The following SCML2 variants were observed in gnomAD, a reference collection of about 807,000 sequenced individuals.
SCML2 encodes the protein sex comb on midleg-like protein 2.
A neutral mutation model predicts 48.4 loss-of-function variants in SCML2; 6 were observed. The observed-to-expected ratio is 0.12, with a 90% CI of 0.07 to 0.24. The LOEUF (loss-of-function observed/expected upper bound fraction) is 0.24. SCML2 is among the 10% of genes least tolerant of loss of function. The probability of loss-of-function intolerance (pLI) is 1.00; values close to 1 mark genes in which losing one functional copy is unlikely to be tolerated. For missense variants in SCML2, 377 were observed against 528.2 expected, an observed-to-expected ratio of 0.71 and a Z score of 2.81; for synonymous variants, 181 against 189.5, an observed-to-expected ratio of 0.95 and a Z score of 0.37.
intron 3 of SCML2, among the ~76,000 whole-genome samples, chrX:18,328,545 G>A (rs767721425): frequency 1.8e-5 from 2 of 111,219 alleles, no homozygotes; most frequent in South Asian, 3.9e-4. Flanking sequence ...GGTAGTGCAC[G>A]CCTGTGGTCC....
chrX:18,302,525 T>G (rs1928627350), intron 7 of SCML2, among the ~76,000 whole-genome samples: 1 of 111,480 alleles, frequency 9.0e-6, no homozygotes, highest in African/African-American at 3.3e-5. Context: ...GAGCACTCCC[T>G]TTTAACAAGC....
At chrX:18,303,801 G>A (rs1276009120) in intron 7 of SCML2, among the ~76,000 whole-genome samples, 1 of 111,469 alleles carries the variant, frequency 9.0e-6, no homozygotes, top group Non-Finnish European at 1.9e-5. Flanking sequence ...TAATAAAAAG[G>A]ACACTGTGGT....
At chrX:18,251,492 A>G (rs1926664860) in intron 11 of SCML2, among the ~76,000 whole-genome samples, 2 of 111,157 alleles carry the variant, frequency 1.8e-5, no homozygotes, top group South Asian at 7.6e-4. Context: ...GGATTCGAAC[A>G]GACATTTCTC....
intron 7 of SCML2, among the ~76,000 whole-genome samples, chrX:18,272,377 C>T (rs1167469312): frequency 8.9e-6 from 1 of 111,907 alleles, no homozygotes; most frequent in African/African-American, 3.3e-5. Context: ...GGGGTAGATA[C>T]CAGTGGAAAG....
chrX:18,322,989 TCTTAAATTTGTGAAAAATTTTCA>T (rs1161087356), intron 5 of SCML2, among the ~76,000 whole-genome samples: 1 of 111,727 alleles, frequency 9.0e-6, no homozygotes, highest in East Asian at 2.8e-4. Flanking sequence ...ATTGTTAATA[TCTTAAATTTGTGAAAAATTTTCA>T]CTTAAATTAG....
At chrX:18,329,919 A>G (rs1330635529) in intron 3 of SCML2, among the ~76,000 whole-genome samples, 8 of 111,738 alleles carry the variant, frequency 7.2e-5, no homozygotes, top group Admixed American at 6.7e-4. Context: ...GTCTACTAAA[A>G]ATACAAAAAC....
intron 8 of SCML2, among the ~76,000 whole-genome samples, chrX:18,263,656 C>T (rs963263982): frequency 2.7e-5 from 3 of 111,135 alleles, no homozygotes; most frequent in Admixed American, 9.6e-5. Flanking sequence ...TAAGAATAAA[C>T]GAGAGTATAA....
Position 18,320,392 on chromosome X carries a change from C to T in SCML2, c.426G>A (p.Pro142=), listed in dbSNP as rs1929277196. 2.6e-6 allele frequency: 3 copies of T among 1,152,145 alleles called. No individual in the cohort carries two copies. Among genetic ancestry groups the T allele is most frequent in the Middle Eastern group, 2.5e-4 (1 of 4,022 alleles). 94.9% of individuals were successfully genotyped at this position (1,152,145 alleles called of 1,213,427 possible). A position where few individuals can be genotyped will look rare whatever the true frequency, so the allele number is the denominator to read the frequency against. Residue 142 remains proline (P), a synonymous_variant, in exon 6 of 15, where the codon CCG becomes CCA. Coordinates refer to ENST00000251900, the MANE Select transcript of SCML2 (RefSeq NM_006089.3). ...LGYQMNTSSW[P]MFLLKTLNGS... ...CATTTAGTGTCTTTAAGAGGAACATCGGCCAGGAGGATGTATTCATCTGGT... is the reference window on the plus strand; with the variant it reads ...CATTTAGTGTCTTTAAGAGGAACATTGGCCAGGAGGATGTATTCATCTGGT...
chrX:18,261,546 G>A (rs1927064913), intron 8 of SCML2, among the ~76,000 whole-genome samples: 1 of 109,433 alleles, frequency 9.1e-6, no homozygotes, highest in Non-Finnish European at 1.9e-5. Flanking sequence ...ATACATACAA[G>A]TATTATGTAT....
At chrX:18,250,059 C>T (rs1254248947) in intron 11 of SCML2, among the ~76,000 whole-genome samples, 1 of 110,615 alleles carries the variant, frequency 9.0e-6, no homozygotes, top group Non-Finnish European at 1.9e-5. Flanking sequence ...AGAAGGGAAT[C>T]TGATTTCCAG....
rs192085169 is a variant in SCML2 at position 18,292,954 on chromosome X, A to G, written c.730+12018T>C. Reference sequence around the variant, plus strand: ...AATTATTCTAAAGAACAACTATACCATAACTTATTTCAACATTTCTCCACT... The same window carrying G: ...AATTATTCTAAAGAACAACTATACCGTAACTTATTTCAACATTTCTCCACT... On this transcript the variant is annotated intron_variant, in intron 7 of 14. Coordinates refer to ENST00000251900, the MANE Select transcript of SCML2 (RefSeq NM_006089.3). 6.8e-3 allele frequency among the ~76,000 whole-genome samples: 763 copies of G among 111,426 alleles called. 5 individuals carry two copies. The highest frequency in any genetic ancestry group is 0.023 in the African/African-American group (714 of 30,735).
chrX:18,267,056 T>G (rs1032585152), intron 7 of SCML2, among the ~76,000 whole-genome samples: 2 of 112,334 alleles, frequency 1.8e-5, no homozygotes, highest in Non-Finnish European at 3.8e-5. Flanking sequence ...TGTCTTCATC[T>G]TAAGGAATCT....
Position 18,346,453 on chromosome X carries a change from A to T in SCML2, c.-25+8139T>A, listed in dbSNP as rs370927507. 2.6e-4 allele frequency among the ~76,000 whole-genome samples: 29 copies of T among 112,445 alleles called. No homozygotes were observed. The East Asian group carries it at 7.3e-3, about 28-fold the overall frequency. On this transcript the variant is annotated intron_variant, in intron 1 of 14. Coordinates refer to ENST00000251900, the MANE Select transcript of SCML2 (RefSeq NM_006089.3). ...AATAATCTATTGAAAAAAATGTTTCATCATAGCCCCTTGAGTTTATCAACA... is the reference window on the plus strand; with the variant it reads ...AATAATCTATTGAAAAAAATGTTTCTTCATAGCCCCTTGAGTTTATCAACA...
chrX:18,288,880 C>T (rs928307231), intron 7 of SCML2, among the ~76,000 whole-genome samples: 3 of 111,276 alleles, frequency 2.7e-5, no homozygotes, highest in Non-Finnish European at 5.7e-5. Flanking sequence ...GGGGATGAAG[C>T]TATTTGCATT....
intron 1 of SCML2, among the ~76,000 whole-genome samples, chrX:18,338,311 G>A (rs1017827713): frequency 9.1e-6 from 1 of 109,774 alleles, no homozygotes. Context: ...GGGCATGGTG[G>A]CACATGCCTG....
chrX:18,338,177 C>T (rs1208253764), intron 1 of SCML2, among the ~76,000 whole-genome samples: 1 of 111,893 alleles, frequency 8.9e-6, no homozygotes, highest in Non-Finnish European at 1.9e-5. Context: ...GGCACGGTGG[C>T]TCACGCCTGT....
chrX:18,318,403 A>T (rs1045687301), intron 6 of SCML2, among the ~76,000 whole-genome samples: 10 of 113,217 alleles, frequency 8.8e-5, no homozygotes, highest in African/African-American at 3.2e-4. Context: ...AAGTTAAGTG[A>T]TTGAAAAACA....
chrX:18,271,077 A>G (rs1879298666), intron 7 of SCML2, among the ~76,000 whole-genome samples: 1 of 111,466 alleles, frequency 9.0e-6, no homozygotes, highest in Non-Finnish European at 1.9e-5. Flanking sequence ...GAAACAATCT[A>G]GAAGGCAAGG....
intron 7 of SCML2, among the ~76,000 whole-genome samples, chrX:18,302,195 C>G (rs753785014): frequency 9.1e-6 from 1 of 109,929 alleles, no homozygotes; most frequent in African/African-American, 3.3e-5. Context: ...CCTTGACTCT[C>G]TAAATCTAGC....
Sources: allele counts gnomAD v4.1 joint callset (sites outside exome capture counted in the v4.1 genomes callset), GRCh38; gene constraint gnomAD v4.1.1; transcripts MANE v1.5; gene names NCBI Gene and HGNC (gene_info 2026-07-23, HGNC 2026-07-21).